Variants in UBR4 observed in about 807,000 individuals in gnomAD.
UBR4 encodes the protein E3 ubiquitin-protein ligase UBR4.
Under a neutral mutation model 575.6 loss-of-function variants are expected in UBR4, and 124 were observed. That is an observed-to-expected ratio of 0.22 (90% confidence interval 0.19 to 0.25). The LOEUF (loss-of-function observed/expected upper bound fraction) is 0.25. Among genes scored for constraint, UBR4 ranks in the 10% least tolerant of loss-of-function variants. The pLI, the probability that UBR4 is intolerant of heterozygous loss-of-function variation, is 1.00. For synonymous variants in UBR4, 2,455 were observed against 2,473.7 expected (o/e 0.99, Z 0.22); for missense variants, 4,818 against 6,478.8 (o/e 0.74, Z 8.80).
At chr1:19,138,809 T>A (rs1471305454) in intron 59 of UBR4, among the ~76,000 whole-genome samples, 1 of 152,178 alleles carries the variant, frequency 6.6e-6, no homozygotes, top group East Asian at 1.9e-4. Flanking sequence ...AAAAAAAGAC[T>A]TACGCATGTC....
chr1:19,155,474 A>G lies in UBR4; in HGVS notation c.6267T>C (p.Thr2089=), dbSNP rs2086316734. 6.2e-7 allele frequency: 1 copy of G among 1,614,070 alleles called. No individual in the cohort carries two copies. Among genetic ancestry groups the G allele is most frequent in the African/African-American group, 1.3e-5 (1 of 74,938 alleles). The change falls in exon 43 of 106, where the codon ACT becomes ACC. Residue 2089 remains threonine (T), a synonymous_variant. Coordinates refer to ENST00000375254, the MANE Select transcript of UBR4 (RefSeq NM_020765.3). ...CCTCATGATTGATTTCCAACACATT[A>G]GTGACATAGAAGGGTCCCTGCTGGG... ...SSAQQGPFYV[T]NVLEINHEDL...
intron 44 of UBR4, among the ~76,000 whole-genome samples, chr1:19,154,335 C>A (rs6691238): frequency 0.44 from 66,965 of 152,012 alleles, 15,231 homozygotes; most frequent in East Asian, 0.76. Flanking sequence ...ATGTAATTCC[C>A]AAAGAAAGGT....
At chr1:19,181,457 T>C (rs1345830574) in intron 17 of UBR4, among the ~76,000 whole-genome samples, 2 of 152,188 alleles carry the variant, frequency 1.3e-5, no homozygotes, top group Non-Finnish European at 2.9e-5. Context: ...AGCATCCTTC[T>C]AGTTTCATTT....
At chr1:19,209,962 G>A in intron 1 of UBR4, 111 bp downstream of exon 1, 1 of 1,340,536 alleles carries the variant, frequency 7.5e-7, no homozygotes. Flanking sequence ...CGTGGCTGTG[G>A]CGGGGATCCT....
Position 19,126,434 on chromosome 1 carries a change from GA to G in UBR4, c.9438+11del. 1 of 1,614,116 alleles carries G rather than the reference GA, an allele frequency of 6.2e-7. No individual in the cohort carries two copies. Among genetic ancestry groups the G allele is most frequent in the Non-Finnish European group, 8.5e-7 (1 of 1,179,948 alleles). ...AAGGACGAGTGTTTCTTTGATGAGG[GA>G]AAGATCTCACCTTCACATACTGGCG... On this transcript the variant is annotated intron_variant, in intron 64 of 105. Coordinates refer to ENST00000375254, the MANE Select transcript of UBR4 (RefSeq NM_020765.3).
chr1:19,078,112 T>C (rs749297009), intron 103 of UBR4, 46 bp from the exon 104 acceptor site: 2 of 1,592,248 alleles, frequency 1.3e-6, no homozygotes, highest in South Asian at 1.1e-5. Context: ...CCTAGGAGGA[T>C]ACTCACAAGG....
rs6657748 is a variant in UBR4 at position 19,126,726 on chromosome 1, T to C, written c.9229-71A>G. ...AACAATGTGAAATCCAGGTGGGTGTTGGGGATGGGAAACACACTCACAACA... is the reference window on the plus strand; with the variant it reads ...AACAATGTGAAATCCAGGTGGGTGTCGGGGATGGGAAACACACTCACAACA... On this transcript the variant is annotated intron_variant, in intron 63 of 105. Transcript: ENST00000375254. 2,625 of 1,522,904 alleles carry C rather than the reference T, an allele frequency of 1.7e-3. 38 individuals are homozygous for C. The African/African-American group carries it at 0.032, about 18-fold the overall frequency. The allele number at this position is 1,522,904 out of a possible 1,614,324, so 94.3% of individuals were successfully genotyped here.
At chr1:19,160,412 G>C in intron 38 of UBR4, 131 bp from the exon 39 acceptor site, 1 of 880,586 alleles carries the variant, frequency 1.1e-6, no homozygotes, top group Non-Finnish European at 1.7e-6. Context: ...GGATATTCTA[G>C]CCATCTTCTC....
In UBR4 at chr1:19,146,959, T is replaced by A; in HGVS notation, c.7671A>T (p.Thr2557=). 1 of 1,613,660 alleles carries A rather than the reference T, an allele frequency of 6.2e-7. No individual in the cohort carries two copies. The highest frequency in any genetic ancestry group is 8.5e-7 in the Non-Finnish European group (1 of 1,179,756). The change falls in exon 52 of 106, where the codon ACA becomes ACT. Residue 2557 remains threonine, a synonymous_variant. Transcript: ENST00000375254. ...CCAAATCCTTGCCCTCTTTGCTAGA[T>A]GTGTTGAGACACTGCACAGCTTTGC... The part of the protein sequence containing the change: ...LLSKAVQCLN[T]SSKEGKDLDP...
chr1:19,119,814 A>G, intron 69 of UBR4, 113 bp from the exon 70 acceptor site: 1 of 1,393,758 alleles, frequency 7.2e-7, no homozygotes, highest in Non-Finnish European at 9.7e-7. Flanking sequence ...TTAAGTTTGA[A>G]CGGTTTTGTT....
intron 17 of UBR4, 132 bp downstream of exon 17, chr1:19,183,679 G>C (rs2091241070): frequency 1.2e-6 from 1 of 868,688 alleles, no homozygotes; most frequent in South Asian, 1.6e-5. Flanking sequence ...CCAAGACCGT[G>C]TCACTGCACT....
At position 19,170,899 on chromosome 1, in the gene UBR4, G is replaced by T; in HGVS notation, c.3522-16C>A. The T allele has an allele frequency of 1.2e-6, 2 of 1,613,494 alleles. No homozygotes were observed. Among genetic ancestry groups the T allele is most frequent in the Middle Eastern group, 1.7e-4 (1 of 6,060 alleles). ...CAAATAGGCTCTGGGGAAAAAACAG[G>T]GGGAAAGTGAAGCCATAAGATTCTA... On this transcript the variant is annotated splice_polypyrimidine_tract_variant and intron_variant, in intron 25 of 105. Coordinates refer to ENST00000375254, the MANE Select transcript of UBR4 (RefSeq NM_020765.3).
chr1:19,163,817 G>C lies in UBR4; in HGVS notation c.4711C>G (p.Leu1571Val). Residue 1571 changes from leucine to valine, a missense_variant, in exon 34 of 106, where the codon CTG becomes GTG. This residue lies in a region of UBR4 where 1,172 missense variants were observed against 1,259.7 expected (regional missense o/e 0.93). Transcript: ENST00000375254. ...TTTTCAACTACATTCTTCTGTGACA[G>C]GTATTTCTTGCTGTCCCAAAGAAAA... ...VDWLSRCKKY[L>V]SQKNVVEKLN... 6.2e-7 allele frequency: 1 copy of C among 1,614,108 alleles called. No individual in the cohort carries two copies. Among genetic ancestry groups the C allele is most frequent in the East Asian group, 2.2e-5 (1 of 44,880 alleles).
rs200629314 is a variant in UBR4, at chr1:19,161,038, G to A, written c.5285C>T (p.Ser1762Phe). 1.2e-6 allele frequency: 2 copies of A among 1,614,160 alleles called. No homozygotes were observed. The highest frequency in any genetic ancestry group is 2.7e-5 in the African/African-American group (2 of 75,034). The change falls in exon 38 of 106, where the codon TCC becomes TTC. Residue 1762 changes from serine (S) to phenylalanine (F), a missense_variant. Transcript: ENST00000375254. The part of the protein sequence containing the change: ...SESLVRHAST[S>F]SPADKAKVTI... Reference sequence around the variant, plus strand: ...AACCTTGGCTTTGTCAGCTGGCGAGGAGGTGCTGGCATGACGCACTAGACT... The same window carrying A: ...AACCTTGGCTTTGTCAGCTGGCGAGAAGGTGCTGGCATGACGCACTAGACT...
chr1:19,110,723 G>A lies in UBR4; in HGVS notation c.11892+19C>T. ...AGGGGAAGTCAGAGAGGACAGCTGG[G>A]CCTGCTAGGCCGGCTCACCAGATCG... On this transcript the variant is annotated intron_variant, in intron 79 of 105. Transcript: ENST00000375254. The surrounding 1 kb of genome is among the most constrained non-coding windows in gnomAD (Gnocchi z 4.5). 2.5e-6 allele frequency: 4 copies of A among 1,613,168 alleles called. No homozygotes were observed. Among genetic ancestry groups the A allele is most frequent in the Non-Finnish European group, 3.4e-6 (4 of 1,179,344 alleles).
In UBR4 at chr1:19,192,472, G is replaced by A. The variant is rs754197051; in HGVS notation, c.1203+9C>T. The stretch of plus-strand genomic sequence containing the variant: ...GGAAGTATGCAGCAGAGACAGATAC[G>A]CTTCTTACCTCACCACCAGCCCGGC... On this transcript the variant is annotated intron_variant, in intron 10 of 105. Transcript: ENST00000375254. The A allele has an allele frequency of 3.1e-6, 5 of 1,614,006 alleles. No homozygotes were observed. The highest frequency in any genetic ancestry group is 1.7e-6 in the Non-Finnish European group (2 of 1,180,018).
At chr1:19,076,672 T>C in intron 105 of UBR4, 68 bp downstream of exon 105, 1 of 1,603,024 alleles carries the variant, frequency 6.2e-7, no homozygotes, top group South Asian at 1.1e-5. Context: ...AAGCTACGGA[T>C]GACCCACGGA....
At chr1:19,199,007 T>C (rs2092613646) in intron 3 of UBR4, 79 bp from the exon 4 acceptor site, 9 of 1,536,274 alleles carry the variant, frequency 5.9e-6, no homozygotes, top group Middle Eastern at 1.9e-4. Flanking sequence ...TTGGAAATTC[T>C]AACTGGCACA....
At chr1:19,133,423 T>C (rs2082769586) in intron 60 of UBR4, among the ~76,000 whole-genome samples, 1 of 152,192 alleles carries the variant, frequency 6.6e-6, no homozygotes, top group Non-Finnish European at 1.5e-5. Context: ...AAAAAACCCT[T>C]GTGCTAACAT....
Sources: gnomAD v4.1 joint callset for allele counts (sites outside exome capture counted in the v4.1 genomes callset) on GRCh38, gnomAD v4.1.1 for gene constraint, gnomAD v4.1.1 regional missense constraint, Gnocchi (gnomAD v3.1) non-coding constraint, MANE v1.5 for transcripts, NCBI Gene and HGNC (gene_info 2026-07-23, HGNC 2026-07-21) for gene names.